FARP2: variants seen among roughly 807,000 people sequenced by gnomAD.
FARP2 encodes the protein FERM, ARHGEF and pleckstrin domain-containing protein 2.
Under a neutral mutation model 130.5 loss-of-function variants are expected in FARP2, and 111 were observed. The observed-to-expected ratio is 0.85, with a 90% confidence interval of 0.73 to 1.00. The LOEUF is 1.00. Among genes scored for constraint, FARP2 ranks in the 50% least tolerant of loss-of-function variants. The probability of loss-of-function intolerance (pLI) is 0.00; values close to 1 mark genes in which losing one functional copy is unlikely to be tolerated. For synonymous variants in FARP2, 504 were observed against 516.9 expected, an observed-to-expected ratio of 0.98 and a Z score of 0.34; for missense variants, 1,385 against 1,346.3, an observed-to-expected ratio of 1.03 and a Z score of -0.45.
At chr2:241,416,575 A>G (rs1364811008) in intron 7 of FARP2, among the ~76,000 whole-genome samples, 1 of 152,174 alleles carries the variant, frequency 6.6e-6, no homozygotes, top group East Asian at 1.9e-4. Context: ...TAATCACTGA[A>G]TAGGATATTA....
At chr2:241,386,261 T>G (rs2061780853) in intron 2 of FARP2, among the ~76,000 whole-genome samples, 1 of 152,104 alleles carries the variant, frequency 6.6e-6, no homozygotes, top group South Asian at 2.1e-4. Flanking sequence ...ATATATTTTT[T>G]AATTTTAGAG....
intron 2 of FARP2, among the ~76,000 whole-genome samples, chr2:241,380,637 A>T (rs2061638947): frequency 6.6e-6 from 1 of 151,526 alleles, no homozygotes; most frequent in South Asian, 2.1e-4. Flanking sequence ...TGGCACTAAA[A>T]TTTTTTGAAT....
At chr2:241,440,093 C>G (rs1417987091) in intron 12 of FARP2, among the ~76,000 whole-genome samples, 4 of 152,118 alleles carry the variant, frequency 2.6e-5, no homozygotes, top group African/African-American at 9.7e-5. Flanking sequence ...ATAGGTTAAT[C>G]TTATGGACTG....
At chr2:241,477,188 G>A (rs2064495023) in intron 19 of FARP2, among the ~76,000 whole-genome samples, 1 of 144,588 alleles carries the variant, frequency 6.9e-6, no homozygotes, top group South Asian at 2.2e-4. Context: ...GGGGTGCAGT[G>A]CCGCGATCTT....
chr2:241,468,263 CCT>C lies in FARP2; in HGVS notation c.2021_2022del (p.Leu674GlnfsTer31), dbSNP rs774408731. 6.8e-5 allele frequency: 109 copies of C among 1,613,874 alleles called. No individual in the cohort carries two copies. Among genetic ancestry groups the C allele is most frequent in the Non-Finnish European group, 8.8e-5 (104 of 1,179,982 alleles). On this transcript the variant is annotated frameshift_variant, in exon 18 of 27. Coordinates refer to ENST00000264042, the MANE Select transcript of FARP2 (RefSeq NM_014808.4). LOFTEE classifies it high-confidence loss of function. ...EFELQKVCYLPLNTFLLKPIQ... is the reference protein window; with the variant it reads ...EFELQKVCYLXLNTFLLKPIQ... ...TGAGCTGCAGAAGGTCTGCTACTTGCCTCTCAACACGTTCCTGCTGAAGCCCA... is the reference window on the plus strand; with the variant it reads ...TGAGCTGCAGAAGGTCTGCTACTTGCCTCAACACGTTCCTGCTGAAGCCCA...
chr2:241,484,588 C>A (rs1382991238), intron 21 of FARP2, among the ~76,000 whole-genome samples: 1 of 152,240 alleles, frequency 6.6e-6, no homozygotes, highest in Non-Finnish European at 1.5e-5. Context: ...TGGACTCAGC[C>A]TGTGGTCTCT....
chr2:241,465,541 G>A, intron 17 of FARP2: 1 of 1,550,600 alleles, frequency 6.4e-7, no homozygotes, highest in Non-Finnish European at 8.7e-7. Context: ...AGCACTGGGG[G>A]AAGTGAGATT....
intron 17 of FARP2, among the ~76,000 whole-genome samples, chr2:241,467,641 C>CA (rs397957562): frequency 0.18 from 19,589 of 111,874 alleles, 1,462 homozygotes; most frequent in Admixed American, 0.2. Context: ...GATCCAGTCT[C>CA]AAAAAAAAAA....
At chr2:241,398,022 G>A (rs2062074052) in intron 2 of FARP2, among the ~76,000 whole-genome samples, 1 of 151,528 alleles carries the variant, frequency 6.6e-6, no homozygotes, top group African/African-American at 2.4e-5. Context: ...TAGTAGAGAT[G>A]GGGTTTCACC....
At chr2:241,453,565 T>C (rs1399262425) in intron 13 of FARP2, among the ~76,000 whole-genome samples, 1 of 150,724 alleles carries the variant, frequency 6.6e-6, no homozygotes, top group East Asian at 2.0e-4. Flanking sequence ...GAGCTTGCAG[T>C]GAGCCGAGAT....
intron 13 of FARP2, 120 bp from the exon 14 acceptor site, chr2:241,456,627 G>A: frequency 4.6e-6 from 4 of 866,460 alleles, no homozygotes; most frequent in Non-Finnish European, 7.5e-6. Flanking sequence ...CATTTTACAG[G>A]AAGCGCCTGG....
intron 8 of FARP2, among the ~76,000 whole-genome samples, chr2:241,428,018 G>A (rs1260104475): frequency 1.3e-5 from 2 of 151,842 alleles, no homozygotes; most frequent in East Asian, 1.9e-4. Flanking sequence ...CGCCCGCCTT[G>A]GCCTCCCAAA....
At chr2:241,474,007 G>A (rs2064384796) in intron 18 of FARP2, among the ~76,000 whole-genome samples, 2 of 151,990 alleles carry the variant, frequency 1.3e-5, no homozygotes, top group South Asian at 4.2e-4. Flanking sequence ...CACCCCCACT[G>A]GAAAGGATAG....
chr2:241,463,773 C>G, intron 16 of FARP2, 126 bp from the exon 17 acceptor site: 1 of 862,640 alleles, frequency 1.2e-6, no homozygotes, highest in South Asian at 1.6e-5. Flanking sequence ...CCTGCGGCCT[C>G]TTCCACCTCA....
intron 2 of FARP2, among the ~76,000 whole-genome samples, chr2:241,392,131 G>A (rs1040736285): frequency 1.3e-5 from 2 of 152,226 alleles, no homozygotes; most frequent in African/African-American, 4.8e-5. Flanking sequence ...CATAGGAACC[G>A]GCTGGCAGGG....
At chr2:241,389,335 A>G (rs1472330623) in intron 2 of FARP2, among the ~76,000 whole-genome samples, 1 of 152,210 alleles carries the variant, frequency 6.6e-6, no homozygotes, top group Non-Finnish European at 1.5e-5. Flanking sequence ...GAAAAAAAGA[A>G]GAAGAGACAT....
At chr2:241,359,493 G>C (rs760208819) in intron 1 of FARP2, among the ~76,000 whole-genome samples, 4 of 152,136 alleles carry the variant, frequency 2.6e-5, no homozygotes, top group Admixed American at 6.6e-5. Flanking sequence ...CTCCCCTCGG[G>C]TGTCTCAGCC....
chr2:241,491,335 A>G (rs975574904), intron 23 of FARP2, among the ~76,000 whole-genome samples, 156 bp downstream of exon 23: 3 of 152,190 alleles, frequency 2.0e-5, no homozygotes, highest in African/African-American at 4.8e-5. Context: ...CTGGGCGGGA[A>G]GAGGTGTCAA....
At chr2:241,430,611 A>G (rs1458518133) in intron 8 of FARP2, among the ~76,000 whole-genome samples, 2 of 152,200 alleles carry the variant, frequency 1.3e-5, no homozygotes, top group African/African-American at 4.8e-5. Flanking sequence ...CTGCCTGGCC[A>G]CTATCACTGC....
Sources: gnomAD v4.1 joint callset for allele counts (sites outside exome capture counted in the v4.1 genomes callset) on GRCh38, gnomAD v4.1.1 for gene constraint, MANE v1.5 for transcripts, NCBI Gene and HGNC (gene_info 2026-07-23, HGNC 2026-07-21) for gene names.